CLIC5: variants seen among roughly 807,000 people sequenced by gnomAD.
CLIC5 encodes the protein CLIC family member 5, also known as chloride intracellular channel protein 5.
Under a neutral mutation model 24.7 loss-of-function variants are expected in CLIC5, and 20 were observed. That is an observed-to-expected ratio of 0.81 (90% confidence interval 0.57 to 1.18). The LOEUF (loss-of-function observed/expected upper bound fraction) is 1.18, where lower values mean the gene tolerates loss of function less well. Ranked by LOEUF, CLIC5 falls within the 50% of genes most tolerant of loss-of-function variation. The pLI is 0.00. For missense variants in CLIC5, 341 were observed against 326.1 expected (o/e 1.05, Z -0.35); for synonymous variants, 159 against 135.6 (o/e 1.17, Z -1.20).
the CLIC5 span, among the ~76,000 whole-genome samples, chr6:46,108,395 T>TGAGA: frequency 0.1 from 15,065 of 147,218 alleles, 1,046 homozygotes; most frequent in South Asian, 0.27. Flanking sequence ...TGTGTGTGTG[T>TGAGA]GTGTGTGAGA....
intron 1 of CLIC5, among the ~76,000 whole-genome samples, chr6:46,006,081 C>T (rs1322818385): frequency 1.1e-5 from 1 of 90,440 alleles, no homozygotes; most frequent in Non-Finnish European, 2.1e-5. Flanking sequence ...TATATATACA[C>T]ATGTATAAAT....
chr6:46,075,858 G>C (rs1762752216), intron 1 of CLIC5, among the ~76,000 whole-genome samples: 1 of 151,974 alleles, frequency 6.6e-6, no homozygotes, highest in Non-Finnish European at 1.5e-5. Flanking sequence ...TCTGAGAAGG[G>C]GTCCATAGCT....
chr6:46,115,744 C>T, the CLIC5 span, among the ~76,000 whole-genome samples: 2 of 152,190 alleles, frequency 1.3e-5, no homozygotes, highest in Non-Finnish European at 2.9e-5. Flanking sequence ...GCTTGGGTTT[C>T]TGTAATCTGC....
chr6:46,033,593 C>T (rs1160109208), intron 1 of CLIC5, among the ~76,000 whole-genome samples: 1 of 152,192 alleles, frequency 6.6e-6, no homozygotes, highest in African/African-American at 2.4e-5. Flanking sequence ...CTAATGGGCC[C>T]ACACATGGGA....
intron 3 of CLIC5, among the ~76,000 whole-genome samples, chr6:45,946,789 G>T (rs554377667): frequency 1.3e-5 from 2 of 152,220 alleles, no homozygotes; most frequent in Non-Finnish European, 2.9e-5. Context: ...GGGTGCAAAG[G>T]CATCTAAGGT....
chr6:46,031,164 G>T (rs1279207627), intron 1 of CLIC5, among the ~76,000 whole-genome samples: 1 of 152,108 alleles, frequency 6.6e-6, no homozygotes, highest in African/African-American at 2.4e-5. Flanking sequence ...ATGAGATGTT[G>T]CTCCAGTTCT....
chr6:46,065,927 T>C (rs754305124), intron 1 of CLIC5, among the ~76,000 whole-genome samples: 1 of 152,180 alleles, frequency 6.6e-6, no homozygotes, highest in Non-Finnish European at 1.5e-5. Context: ...ATCCCAATAC[T>C]GTTGGCCCCA....
upstream of CLIC5, among the ~76,000 whole-genome samples, chr6:46,017,427 A>C (rs536432341): frequency 7.0e-4 from 107 of 152,346 alleles, no homozygotes; most frequent in Non-Finnish European, 1.1e-3. Context: ...CAATTTTACA[A>C]GTGGGGAAAC....
chr6:45,954,383 C>T (rs568750032), intron 2 of CLIC5, among the ~76,000 whole-genome samples: 11 of 151,802 alleles, frequency 7.2e-5, no homozygotes, highest in Admixed American at 1.3e-4. Flanking sequence ...GTTAGACATA[C>T]ATGATAAGAG....
chr6:46,022,648 C>G (rs1287154110), intron 1 of CLIC5, among the ~76,000 whole-genome samples: 3 of 152,234 alleles, frequency 2.0e-5, no homozygotes, highest in Non-Finnish European at 4.4e-5. Flanking sequence ...GATCTTGGCT[C>G]TCACTGCAGT....
chr6:45,904,228 A>G (rs1762587431), intron 5 of CLIC5, among the ~76,000 whole-genome samples: 1 of 152,192 alleles, frequency 6.6e-6, no homozygotes, highest in South Asian at 2.1e-4. Flanking sequence ...CTTTGGAGTA[A>G]TAAATTAGTT....
chr6:46,067,772 T>C lies in CLIC5; in HGVS notation c.540+11931A>G, dbSNP rs115920144. On this transcript the variant is annotated intron_variant, in intron 1 of 5. Transcript: ENST00000185206. ...ACTAAAGAGATGAAGATACAAACAGTCCACTAAATTCTTACATAGTCCCTT... is the reference window on the plus strand; with the variant it reads ...ACTAAAGAGATGAAGATACAAACAGCCCACTAAATTCTTACATAGTCCCTT... Among the ~76,000 whole-genome samples the C allele has an allele frequency of 3.1e-3, 469 of 152,206 alleles. 1 individual carries two copies. The highest frequency in any genetic ancestry group is 0.011 in the African/African-American group (452 of 41,540).
At chr6:46,006,075 TATAC>T (rs1364064427) in intron 1 of CLIC5, among the ~76,000 whole-genome samples, 3 of 115,342 alleles carry the variant, frequency 2.6e-5, no homozygotes, top group Admixed American at 9.3e-5. Flanking sequence ...TAAATATATA[TATAC>T]ACATGTATAA....
chr6:46,116,299 C>A, the CLIC5 span, among the ~76,000 whole-genome samples: 1 of 152,126 alleles, frequency 6.6e-6, no homozygotes, highest in Non-Finnish European at 1.5e-5. Flanking sequence ...CAGTTTCAAG[C>A]CTCAAGGCTG....
exon 1 of CLIC5, chr6:46,080,020 G>T: frequency 1.3e-6 from 2 of 1,551,448 alleles, no homozygotes; most frequent in Non-Finnish European, 1.7e-6. Flanking sequence ...TCTTCTGACT[G>T]GACAGAGGCC....
the CLIC5 span, among the ~76,000 whole-genome samples, chr6:46,085,874 C>T: frequency 1.3e-5 from 2 of 152,210 alleles, no homozygotes; most frequent in African/African-American, 4.8e-5. Flanking sequence ...AGGCAGGACT[C>T]CTTGAGCTGT....
intron 1 of CLIC5, among the ~76,000 whole-genome samples, chr6:46,004,638 T>C (rs1315359973): frequency 6.6e-6 from 1 of 152,178 alleles, no homozygotes; most frequent in African/African-American, 2.4e-5. Flanking sequence ...GCCTGACATC[T>C]GAACAGTGAA....
At chr6:46,023,859 G>A (rs79026718) in intron 1 of CLIC5, among the ~76,000 whole-genome samples, 2,398 of 151,308 alleles carry the variant, frequency 0.016, 72 homozygotes, top group African/African-American at 0.056. Context: ...AACCTTGGAC[G>A]GAGTCCAAGA....
At chr6:45,925,651 G>A (rs1198533352) in intron 4 of CLIC5, among the ~76,000 whole-genome samples, 1 of 152,184 alleles carries the variant, frequency 6.6e-6, no homozygotes, top group Non-Finnish European at 1.5e-5. Context: ...CTTGCACAGC[G>A]TATGGTACTG....
Sources: gnomAD v4.1 joint callset for allele counts (sites outside exome capture counted in the v4.1 genomes callset) on GRCh38, gnomAD v4.1.1 for gene constraint, MANE v1.5 for transcripts, NCBI Gene and HGNC (gene_info 2026-07-23, HGNC 2026-07-21) for gene names.